The following CDC42BPA variants were observed in gnomAD, a reference collection of about 807,000 sequenced individuals.
CDC42BPA encodes the protein CDC42 binding protein kinase alpha.
CDC42BPA carries 80 observed loss-of-function variants against 223.5 expected under a neutral mutation model. That is an observed-to-expected ratio of 0.36 (90% CI 0.30 to 0.43). The LOEUF is 0.43. Ranked by LOEUF, CDC42BPA falls within the 20% of genes least tolerant of loss-of-function variation. The pLI, the probability that CDC42BPA is intolerant of heterozygous loss-of-function variation, is 1.00. For synonymous variants in CDC42BPA, 694 were observed against 718.6 expected, an observed-to-expected ratio of 0.97 and a Z score of 0.55; for missense variants, 1,743 against 2,099.9, an observed-to-expected ratio of 0.83 and a Z score of 3.32.
intron 12 of CDC42BPA, among the ~76,000 whole-genome samples, chr1:227,118,288 G>A (rs1056698856): frequency 6.6e-6 from 1 of 152,148 alleles, no homozygotes; most frequent in Non-Finnish European, 1.5e-5. Context: ...TGGCCAATAG[G>A]TATATGAAAA....
chr1:227,317,005 C>T lies in CDC42BPA; in HGVS notation c.178G>A (p.Ala60Thr), dbSNP rs1403063680. The T allele has an allele frequency of 9.9e-6, 16 of 1,608,842 alleles. No homozygotes were observed. Among genetic ancestry groups the T allele is most frequent in the Non-Finnish European group, 1.3e-5 (15 of 1,175,806 alleles). The change falls in exon 1 of 37, where the codon GCT becomes ACT. Residue 60 changes from alanine to threonine, a missense_variant and splice_region_variant. Coordinates refer to ENST00000366766, the MANE Select transcript of CDC42BPA (RefSeq NM_001394014.1). ...EKNILEYLEW[A>T]KPFTSKVKQM... Reference sequence around the variant, plus strand: ...GTTTCTTTAAAAATTACAAACTTACCCCATTCTAGGTATTCGAGAATGTTC... The same window carrying T: ...GTTTCTTTAAAAATTACAAACTTACTCCATTCTAGGTATTCGAGAATGTTC...
At chr1:227,075,043 C>A (rs1679174822) in intron 17 of CDC42BPA, among the ~76,000 whole-genome samples, 1 of 152,104 alleles carries the variant, frequency 6.6e-6, no homozygotes, top group African/African-American at 2.4e-5. Context: ...CTTACACTTC[C>A]CTCAAGTGGG....
chr1:227,309,085 C>T (rs947943237), intron 1 of CDC42BPA, among the ~76,000 whole-genome samples: 3 of 151,678 alleles, frequency 2.0e-5, no homozygotes, highest in Non-Finnish European at 4.4e-5. Context: ...AGAAAAAAGG[C>T]CAGGTGCGGC....
intron 24 of CDC42BPA, among the ~76,000 whole-genome samples, chr1:227,037,973 A>C (rs1442621608): frequency 2.0e-5 from 3 of 152,208 alleles, no homozygotes; most frequent in African/African-American, 7.2e-5. Context: ...TAAAATTTAC[A>C]ATGAAGCTTG....
intron 5 of CDC42BPA, among the ~76,000 whole-genome samples, chr1:227,179,662 C>T (rs1402429620): frequency 2.2e-5 from 1 of 45,936 alleles, no homozygotes; most frequent in East Asian, 4.5e-4. Flanking sequence ...AAAAAAAAAG[C>T]TATTTTAAAA....
chr1:227,193,063 C>CTT (rs1160548241), intron 5 of CDC42BPA, among the ~76,000 whole-genome samples: 3,762 of 116,966 alleles, frequency 0.032, 220 homozygotes, highest in African/African-American at 0.12. Flanking sequence ...GAAGTGAGAA[C>CTT]TTTTTTTTTT....
intron 2 of CDC42BPA, among the ~76,000 whole-genome samples, chr1:227,216,194 ATT>A (rs1441904302): frequency 1.3e-5 from 2 of 152,196 alleles, no homozygotes; most frequent in African/African-American, 4.8e-5. Context: ...AAGATCAGGT[ATT>A]TCTAAGTGAT....
intron 1 of CDC42BPA, among the ~76,000 whole-genome samples, chr1:227,287,889 C>G (rs552875660): frequency 2.0e-5 from 3 of 152,298 alleles, no homozygotes; most frequent in Admixed American, 2.0e-4. Flanking sequence ...ATGAGTTTCT[C>G]TGGCAGACAA....
chr1:227,201,671 G>A (rs1671777641), intron 3 of CDC42BPA, among the ~76,000 whole-genome samples: 2 of 123,978 alleles, frequency 1.6e-5, no homozygotes, highest in South Asian at 5.2e-4. Context: ...ATGTGCACGT[G>A]CACACACATA....
intron 1 of CDC42BPA, among the ~76,000 whole-genome samples, chr1:227,314,936 T>G (rs939362596): frequency 6.6e-6 from 1 of 152,018 alleles, no homozygotes; most frequent in South Asian, 2.1e-4. Flanking sequence ...TTTGGAAATA[T>G]TCTTAGTCTT....
At chr1:227,076,689 T>G (rs1187305824) in intron 17 of CDC42BPA, among the ~76,000 whole-genome samples, 4 of 152,226 alleles carry the variant, frequency 2.6e-5, no homozygotes, top group Non-Finnish European at 4.4e-5. Flanking sequence ...CAAATATTTC[T>G]TAATAACAGT....
chr1:227,257,892 C>T lies in CDC42BPA; in HGVS notation c.179-3737G>A, dbSNP rs189269769. Among the ~76,000 whole-genome samples the T allele has an allele frequency of 1.0e-3, 156 of 150,862 alleles. 4 individuals carry two copies. The South Asian group carries it at 0.016, about 16-fold the overall frequency. On this transcript the variant is annotated intron_variant, in intron 1 of 36. Transcript: ENST00000366766. ...GACCTACTAGAACTAAAAATGGGGC[C>T]GGGTGTGGTGGTTCACGCCTGTATC...
At chr1:227,064,384 G>A (rs1676551278) in intron 21 of CDC42BPA, among the ~76,000 whole-genome samples, 1 of 152,114 alleles carries the variant, frequency 6.6e-6, no homozygotes, top group African/African-American at 2.4e-5. Flanking sequence ...TAATTTATAT[G>A]ATTGTAATTA....
rs1290078197 is a variant in CDC42BPA, at chr1:227,129,186, C to T, written c.1436G>A (p.Gly479Asp). The change falls in exon 11 of 37, where the codon GGT becomes GAT. Residue 479 changes from glycine (G) to aspartate (D), a missense_variant. Transcript: ENST00000366766. ...VQALQYSTVD[G>D]PLTASKDLEI... ...TAAATCTTTGCTTGCTGTTAGTGGA[C>T]CATCAACAGTTGAATACTGCAGAGC... The T allele has an allele frequency of 1.3e-6, 2 of 1,591,762 alleles. No individual in the cohort carries two copies. Among genetic ancestry groups the T allele is most frequent in the East Asian group, 4.5e-5 (2 of 44,678 alleles).
chr1:227,070,939 C>T lies in CDC42BPA; in HGVS notation c.2828-1086G>A, dbSNP rs140576706. Among the ~76,000 whole-genome samples the T allele has an allele frequency of 2.6e-3, 396 of 151,932 alleles. 2 individuals are homozygous for T. The highest frequency in any genetic ancestry group is 9.2e-3 in the African/African-American group (381 of 41,524). ...TCTGCACTAGTCTCTCTCCTATTTG[C>T]CATTAGGGCCACGAGTTGTCCATGT... On this transcript the variant is annotated intron_variant, in intron 20 of 36. Transcript: ENST00000366766.
chr1:227,136,051 C>A (rs1057347001), intron 10 of CDC42BPA, among the ~76,000 whole-genome samples: 5 of 147,788 alleles, frequency 3.4e-5, no homozygotes, highest in Admixed American at 6.7e-5. Flanking sequence ...AAAAGCATGA[C>A]AAATGAAAGA....
intron 17 of CDC42BPA, 33 bp downstream of exon 17, chr1:227,080,860 C>T (rs1388657096): frequency 1.9e-6 from 3 of 1,611,438 alleles, no homozygotes; most frequent in Non-Finnish European, 1.7e-6. Flanking sequence ...TACTCACAAT[C>T]ATCCACAAAA....
chr1:227,297,917 G>A, intron 1 of CDC42BPA, among the ~76,000 whole-genome samples: 1 of 145,326 alleles, frequency 6.9e-6, no homozygotes, highest in Non-Finnish European at 1.5e-5. Flanking sequence ...CTTTAAAGGG[G>A]CTAAAATGGC....
chr1:227,180,687 G>A (rs1462223474), intron 5 of CDC42BPA: 2 of 152,170 alleles, frequency 1.3e-5, no homozygotes, highest in East Asian at 3.8e-4. Context: ...TCTACGTAGT[G>A]CTGAAAAACA....
Sources: gnomAD v4.1 joint callset for allele counts (sites outside exome capture counted in the v4.1 genomes callset) on GRCh38, gnomAD v4.1.1 for gene constraint, MANE v1.5 for transcripts, NCBI Gene and HGNC (gene_info 2026-07-23, HGNC 2026-07-21) for gene names.